Variants in CA4 observed in about 807,000 individuals in gnomAD.
CA4 encodes the protein CA-IV.
A neutral mutation model predicts 34.5 loss-of-function variants in CA4; 24 were observed. The ratio of observed to expected loss-of-function variants is 0.70; its 90% CI spans 0.50 to 0.98. The LOEUF is 0.98. CA4 is among the 50% of genes least tolerant of loss of function. CA4 has a pLI of 0.00. For synonymous variants in CA4, 178 were observed against 170.6 expected (o/e 1.04, Z -0.34); for missense variants, 394 against 396.7 (o/e 0.99, Z 0.06).
At chr17:60,164,308 C>A (rs918168988), downstream of CA4, among the ~76,000 whole-genome samples, 3 of 146,426 alleles carry the variant, frequency 2.0e-5, no homozygotes, top group Non-Finnish European at 4.5e-5. Context: ...TTTTCTTTCT[C>A]TTTCTTCCTT....
rs367750802 is a variant in CA4 at position 60,150,038 on chromosome 17, C to A, written c.4C>A (p.Arg2=). The change falls in exon 1 of 8, where the codon CGG becomes AGG. Residue 2 remains arginine (R), a synonymous_variant. Coordinates refer to ENST00000300900, the MANE Select transcript of CA4 (RefSeq NM_000717.5). ...GGACTCTTTGCTGTCCCGCAAGATG[C>A]GGATGCTGCTGGCGCTCCTGGCCCT... M[R]MLLALLALSA... 4.1e-5 allele frequency: 66 copies of A among 1,602,142 alleles called. No individual in the cohort carries two copies. Among genetic ancestry groups the A allele is most frequent in the Non-Finnish European group, 5.2e-5 (61 of 1,178,910 alleles).
intron 1 of CA4, among the ~76,000 whole-genome samples, chr17:60,152,119 T>A (rs939599469): frequency 6.6e-5 from 10 of 151,916 alleles, no homozygotes; most frequent in African/African-American, 2.4e-4. Flanking sequence ...TGACTTTCGG[T>A]CTCTAACCTC....
chr17:60,161,665 C>T (rs972921657), downstream of CA4, among the ~76,000 whole-genome samples: 4 of 151,772 alleles, frequency 2.6e-5, no homozygotes, highest in Admixed American at 2.6e-4. Flanking sequence ...CGGCTGCTCC[C>T]CTCCCTCCTC....
chr17:60,177,197 T>C, the CA4 span, among the ~76,000 whole-genome samples: 1 of 152,218 alleles, frequency 6.6e-6, no homozygotes, highest in Admixed American at 6.5e-5. Context: ...GAATTTGTCT[T>C]TCTGTGTTTA....
At position 60,159,480 on chromosome 17, in the gene CA4, T is replaced by G; in HGVS notation, c.*56T>G. 6.4e-7 allele frequency: 1 copy of G among 1,571,846 alleles called. No homozygotes were observed. The highest frequency in any genetic ancestry group is 8.7e-7 in the Non-Finnish European group (1 of 1,152,908). On this transcript the variant is annotated 3_prime_UTR_variant, in exon 8 of 8. Transcript: ENST00000300900. ...GCCTCAGCTCTCCAAGTTCCAGGCT[T>G]CCGGTCCTTAGCCTTCCCAGGTGGG...
chr17:60,150,175 C>A, intron 1 of CA4, 83 bp downstream of exon 1: 1 of 1,187,870 alleles, frequency 8.4e-7, no homozygotes, highest in East Asian at 2.6e-5. Flanking sequence ...AGGATCCCCC[C>A]GCGGGCGACC....
At chr17:60,151,825 T>C (rs1489728600) in intron 1 of CA4, among the ~76,000 whole-genome samples, 1 of 152,072 alleles carries the variant, frequency 6.6e-6, no homozygotes, top group Non-Finnish European at 1.5e-5. Context: ...GGGACCAGGT[T>C]GCATATGGCG....
At chr17:60,165,309 C>T (rs2083844105) in intron 5 of CA4, among the ~76,000 whole-genome samples, 1 of 152,140 alleles carries the variant, frequency 6.6e-6, no homozygotes, top group South Asian at 2.1e-4. Context: ...CCCAACCGTA[C>T]ACAGAACAGT....
At chr17:60,153,115 A>C (rs1163458040) in intron 1 of CA4, among the ~76,000 whole-genome samples, 1 of 152,154 alleles carries the variant, frequency 6.6e-6, no homozygotes, top group Non-Finnish European at 1.5e-5. Flanking sequence ...AGGCGGGTGG[A>C]TCATTTGAGG....
rs779517960 is a variant in CA4 at position 60,155,328 on chromosome 17, T to C, written c.73T>C (p.Tyr25His). Residue 25 changes from tyrosine (Y) to histidine (H), a missense_variant, in exon 2 of 8, where the codon TAC becomes CAC. Transcript: ENST00000300900. ...PSASAESHWC[Y>H]EVQAESSNYP... ...CTCTGCTCCAGAGTCACACTGGTGC[T>C]ACGAGGTTCAAGCCGAGTCCTCCAA... The C allele has an allele frequency of 3.1e-6, 5 of 1,611,626 alleles. No homozygotes were observed. Among genetic ancestry groups the C allele is most frequent in the Non-Finnish European group, 4.2e-6 (5 of 1,179,002 alleles).
rs747360370 is a variant in CA4, at chr17:60,152,163, G to T, written c.58+2071G>T. On this transcript the variant is annotated intron_variant, in intron 1 of 7. Coordinates refer to ENST00000300900, the MANE Select transcript of CA4 (RefSeq NM_000717.5). ...GTGGATGGACTAGGTAGGATGTGGC[G>T]CTGGACACCGAGACCTCTGGGTAGG... is the stretch of plus-strand genomic sequence containing the variant. 2.0e-5 allele frequency among the ~76,000 whole-genome samples: 3 copies of T among 152,182 alleles called. No individual in the cohort carries two copies. In the South Asian group the frequency reaches 6.2e-4, roughly 32 times the overall value.
At chr17:60,178,040 G>A in the CA4 span, among the ~76,000 whole-genome samples, 1 of 151,758 alleles carries the variant, frequency 6.6e-6, no homozygotes, top group African/African-American at 2.4e-5. Flanking sequence ...AATGAAGTAA[G>A]CAAAGAAACA....
chr17:60,165,889 T>G (rs1193482951), intron 5 of CA4, among the ~76,000 whole-genome samples: 1 of 152,068 alleles, frequency 6.6e-6, no homozygotes, highest in Non-Finnish European at 1.5e-5. Flanking sequence ...CACCAGAGCA[T>G]TATTTGTTAT....
chr17:60,157,193 G>A (rs1174178832), intron 3 of CA4, among the ~76,000 whole-genome samples: 3 of 152,260 alleles, frequency 2.0e-5, no homozygotes, highest in Non-Finnish European at 2.9e-5. Flanking sequence ...GCAGTTTGGG[G>A]CAGTGGAGGG....
intron 1 of CA4, among the ~76,000 whole-genome samples, chr17:60,151,938 C>T (rs1567726894): frequency 6.6e-6 from 1 of 151,892 alleles, no homozygotes; most frequent in African/African-American, 2.4e-5. Flanking sequence ...AGACTTTGCC[C>T]AGGAAACACT....
At chr17:60,151,283 G>T (rs1170332089) in intron 1 of CA4, among the ~76,000 whole-genome samples, 1 of 152,120 alleles carries the variant, frequency 6.6e-6, no homozygotes, top group Admixed American at 6.5e-5. Context: ...CGGAGTGAGG[G>T]GTGAAGGTGT....
Position 60,159,341 on chromosome 17 carries a change from GC to G in CA4, c.860del (p.Pro287ArgfsTer49), listed in dbSNP as rs1262755607. 2 of 1,608,962 alleles carry G rather than the reference GC, an allele frequency of 1.2e-6. No individual in the cohort carries two copies. The highest frequency in any genetic ancestry group is 1.7e-6 in the Non-Finnish European group (2 of 1,177,902). On this transcript the variant is annotated frameshift_variant, in exon 8 of 8. Transcript: ENST00000300900. LOFTEE classifies it low-confidence loss of function (END_TRUNC). ...LGQRTVIKSG[A>X]PGRPLPWALP... is the part of the protein sequence containing the mutation. ...GCAGCGCACGGTGATAAAGTCCGGG[GC>G]CCCGGGTCGGCCGCTGCCCTGGGCC...
intron 5 of CA4, among the ~76,000 whole-genome samples, chr17:60,167,506 G>A (rs1234602220): frequency 6.6e-6 from 1 of 152,238 alleles, no homozygotes; most frequent in Non-Finnish European, 1.5e-5. Context: ...CAGAGAGGGA[G>A]GGCAGGTGGC....
downstream of CA4, among the ~76,000 whole-genome samples, chr17:60,172,839 C>T (rs7216271): frequency 0.093 from 13,889 of 149,534 alleles, 680 homozygotes; most frequent in East Asian, 0.16. Flanking sequence ...AGTGAAACTC[C>T]GTCTCAAAAA....
Sources: allele counts gnomAD v4.1 joint callset (sites outside exome capture counted in the v4.1 genomes callset), GRCh38; gene constraint gnomAD v4.1.1; transcripts MANE v1.5; gene names NCBI Gene and HGNC (gene_info 2026-07-23, HGNC 2026-07-21).